ANKFN1: variants seen among roughly 807,000 people sequenced by gnomAD.
The protein encoded by ANKFN1 is ankyrin repeat and fibronectin type-III domain-containing protein 1.
A neutral mutation model predicts 108.7 loss-of-function variants in ANKFN1; 74 were observed. That is an observed-to-expected ratio of 0.68 (90% CI 0.56 to 0.83). ANKFN1 has a LOEUF of 0.83. Among genes scored for constraint, ANKFN1 ranks in the 40% least tolerant of loss-of-function variants. The pLI, the probability that ANKFN1 is intolerant of heterozygous loss-of-function variation, is 0.00. For missense variants in ANKFN1, 1,505 were observed against 1,382.3 expected, an observed-to-expected ratio of 1.09 and a Z score of -1.41; for synonymous variants, 547 against 516.2, an observed-to-expected ratio of 1.06 and a Z score of -0.81.
intron 2 of ANKFN1, chr17:56,224,741 G>C (rs550745770): frequency 5.9e-5 from 9 of 152,100 alleles, no homozygotes; most frequent in Admixed American, 3.3e-4. Context: ...TTGGTTTAAA[G>C]ATAAGATGTT....
chr17:56,085,457 G>A (rs995760820), intron 4 of ANKFN1, among the ~76,000 whole-genome samples: 1 of 151,004 alleles, frequency 6.6e-6, no homozygotes, highest in Non-Finnish European at 1.5e-5. Flanking sequence ...GAAAAGGCAA[G>A]GAAGAATTAT....
intron 8 of ANKFN1, among the ~76,000 whole-genome samples, chr17:56,399,072 T>A (rs1051970443): frequency 3.9e-5 from 6 of 152,068 alleles, no homozygotes; most frequent in Non-Finnish European, 8.8e-5. Context: ...GGAAAATACA[T>A]AAATTTCAAT....
Position 56,255,141 on chromosome 17 carries a change from C to T in ANKFN1, c.53+27184C>T, listed in dbSNP as rs145528168. 5.3e-5 allele frequency among the ~76,000 whole-genome samples: 8 copies of T among 152,318 alleles called. No homozygotes were observed. The South Asian group carries it at 8.3e-4, about 16-fold the overall frequency. On this transcript the variant is annotated intron_variant, in intron 3 of 20. Transcript: ENST00000682825. The stretch of plus-strand genomic sequence containing the variant: ...ACCAGCCTTGACCATGGCCTTGCAA[C>T]TCTTGGACGATTCCCTTTTATGCCA...
chr17:56,053,504 A>T (rs1904813532), intron 4 of ANKFN1, among the ~76,000 whole-genome samples: 1 of 152,196 alleles, frequency 6.6e-6, no homozygotes, highest in African/African-American at 2.4e-5. Flanking sequence ...TTTATGGCTA[A>T]ATAGTACTCC....
intron 1 of ANKFN1, among the ~76,000 whole-genome samples, chr17:56,196,454 C>G (rs1335320879): frequency 6.6e-6 from 1 of 152,052 alleles, no homozygotes; most frequent in Admixed American, 6.6e-5. Context: ...TGAGAAAGGG[C>G]CAGGCGTGGT....
intron 4 of ANKFN1, among the ~76,000 whole-genome samples, chr17:56,099,420 C>T (rs1350323151): frequency 6.6e-6 from 1 of 152,172 alleles, no homozygotes; most frequent in East Asian, 1.9e-4. Flanking sequence ...TCCTCTCCTT[C>T]TCATTCCACT....
chr17:56,462,453 G>C (rs990277122), intron 14 of ANKFN1, among the ~76,000 whole-genome samples: 1 of 152,164 alleles, frequency 6.6e-6, no homozygotes, highest in African/African-American at 2.4e-5. Flanking sequence ...AATTAGCTGG[G>C]CGTGGTGGCG....
At chr17:56,131,975 A>G (rs1188215436) in intron 4 of ANKFN1, among the ~76,000 whole-genome samples, 2 of 152,218 alleles carry the variant, frequency 1.3e-5, no homozygotes, top group Non-Finnish European at 2.9e-5. Context: ...TTAAGAATCG[A>G]ATCATATGGA....
chr17:56,062,976 C>T (rs766714596), intron 4 of ANKFN1, among the ~76,000 whole-genome samples: 27 of 152,144 alleles, frequency 1.8e-4, no homozygotes, highest in Admixed American at 5.2e-4. Flanking sequence ...ATTTCTCCTT[C>T]GCTTATGAAG....
At chr17:56,148,190 C>G (rs192019870) in intron 4 of ANKFN1, among the ~76,000 whole-genome samples, 44 of 152,290 alleles carry the variant, frequency 2.9e-4, no homozygotes, top group East Asian at 2.7e-3. Context: ...CATTAGAGGA[C>G]TTGATCAAGG....
intron 3 of ANKFN1, among the ~76,000 whole-genome samples, chr17:56,266,774 T>C (rs531059851): frequency 6.6e-6 from 1 of 152,282 alleles, no homozygotes; most frequent in South Asian, 2.1e-4. Context: ...TGACCAATTT[T>C]CCTTAGGATT....
At chr17:56,153,234 G>A (rs910195000), upstream of ANKFN1, among the ~76,000 whole-genome samples, 10 of 152,072 alleles carry the variant, frequency 6.6e-5, no homozygotes, top group African/African-American at 9.7e-5. Context: ...CCTCCCCACC[G>A]GGCACCTCCT....
intron 1 of ANKFN1, among the ~76,000 whole-genome samples, chr17:56,186,546 A>G (rs1348804520): frequency 6.6e-6 from 1 of 152,244 alleles, no homozygotes; most frequent in East Asian, 1.9e-4. Flanking sequence ...CAAAAGAGCA[A>G]AAATGTATGA....
intron 8 of ANKFN1, among the ~76,000 whole-genome samples, chr17:56,406,409 G>A (rs1050904033): frequency 1.3e-5 from 2 of 152,166 alleles, no homozygotes; most frequent in African/African-American, 4.8e-5. Context: ...TGTAACCATA[G>A]AGGGTGAATT....
chr17:56,103,184 G>A lies in ANKFN1; in HGVS notation c.288+56859G>A, dbSNP rs185669502. ...TGAAGGAGAGAGTGAGGCAATTCAG[G>A]TAATGAGCGACATGAAAAGGAATCT... On this transcript the variant is annotated intron_variant, in intron 4 of 12. Coordinates refer to the ANKFN1 transcript ENST00000635860. Among the ~76,000 whole-genome samples, 64 of 152,260 alleles carry A rather than the reference G, an allele frequency of 4.2e-4. No homozygotes were observed. The East Asian group carries it at 0.011, about 26-fold the overall frequency.
At chr17:56,377,571 A>G (rs551219747) in intron 8 of ANKFN1, among the ~76,000 whole-genome samples, 2 of 152,216 alleles carry the variant, frequency 1.3e-5, no homozygotes, top group East Asian at 3.9e-4. Context: ...ACCCATTTTT[A>G]TGGCTGACAG....
intron 11 of ANKFN1, among the ~76,000 whole-genome samples, chr17:56,449,417 A>C (rs1467442845): frequency 2.0e-5 from 3 of 151,978 alleles, no homozygotes; most frequent in African/African-American, 7.2e-5. Context: ...ACGGTTTGAA[A>C]ACAAGCACAA....
chr17:56,378,965 C>T (rs2047015987), intron 8 of ANKFN1, among the ~76,000 whole-genome samples: 1 of 152,160 alleles, frequency 6.6e-6, no homozygotes, highest in South Asian at 2.1e-4. Context: ...TATTCTCCAA[C>T]CATCTTGTAA....
intron 1 of ANKFN1, among the ~76,000 whole-genome samples, chr17:56,163,444 C>T (rs940252265): frequency 2.0e-5 from 3 of 152,226 alleles, no homozygotes; most frequent in African/African-American, 7.2e-5. Context: ...CCTGGGCTAT[C>T]TAGCTTGCTT....
Sources: allele counts gnomAD v4.1 joint callset (sites outside exome capture counted in the v4.1 genomes callset), GRCh38; gene constraint gnomAD v4.1.1; transcripts MANE v1.5; gene names NCBI Gene and HGNC (gene_info 2026-07-23, HGNC 2026-07-21).